Variants in SUGCT observed in about 807,000 individuals in gnomAD.
The protein encoded by SUGCT is succinyl-CoA:glutarate-CoA transferase.
SUGCT carries 41 observed loss-of-function variants against 55.0 expected under a neutral mutation model. The observed-to-expected ratio is 0.74, with a 90% CI of 0.58 to 0.97. SUGCT has a LOEUF of 0.97. SUGCT is among the 50% of genes least tolerant of loss of function. The pLI is 0.00. For synonymous variants in SUGCT, 187 were observed against 200.4 expected, an observed-to-expected ratio of 0.93 and a Z score of 0.56; for missense variants, 568 against 547.8, an observed-to-expected ratio of 1.04 and a Z score of -0.37.
the SUGCT span, among the ~76,000 whole-genome samples, chr7:40,895,781 C>T: frequency 6.6e-6 from 1 of 152,128 alleles, no homozygotes; most frequent in African/African-American, 2.4e-5. Context: ...AAACTGGAGG[C>T]ATCACACAAT....
chr7:40,147,300 C>G (rs1178336155), intron 1 of SUGCT, among the ~76,000 whole-genome samples: 1 of 152,080 alleles, frequency 6.6e-6, no homozygotes, highest in African/African-American at 2.4e-5. Flanking sequence ...GATTTCTTAC[C>G]TCTTTTTGAG....
chr7:40,333,240 CAG>C (rs1796426349), intron 9 of SUGCT, among the ~76,000 whole-genome samples: 1 of 151,910 alleles, frequency 6.6e-6, no homozygotes, highest in African/African-American at 2.4e-5. Context: ...ATGATGAAAA[CAG>C]ATTGAATATA....
At chr7:40,912,771 C>CAA in the SUGCT span, among the ~76,000 whole-genome samples, 3 of 111,840 alleles carry the variant, frequency 2.7e-5, no homozygotes, top group Non-Finnish European at 5.9e-5. Flanking sequence ...TAAACGTTTC[C>CAA]AAAAAAAAAA....
At position 40,830,155 on chromosome 7, in the gene SUGCT, A is replaced by G. The variant is rs6462989; in HGVS notation, c.1154-30161A>G. ...GCCACCACCCCAGGCCCAGAGCCTC[A>G]TCTCAGGTCTGCTCTGCTGACCACA... On this transcript the variant is annotated intron_variant, in intron 13 of 13. Coordinates refer to ENST00000335693, the MANE Select transcript of SUGCT (RefSeq NM_001193313.2). Among the ~76,000 whole-genome samples the G allele has an allele frequency of 1.7e-3, 261 of 151,966 alleles. 2 individuals are homozygous for G. The highest frequency in any genetic ancestry group is 6.1e-3 in the African/African-American group (254 of 41,444).
intron 13 of SUGCT, among the ~76,000 whole-genome samples, chr7:40,854,773 G>T (rs1328773776): frequency 6.6e-6 from 1 of 151,710 alleles, no homozygotes; most frequent in Non-Finnish European, 1.5e-5. Context: ...CCCATCTCTA[G>T]ATTTTTTTTT....
At chr7:40,309,042 C>A (rs960216040) in intron 8 of SUGCT, among the ~76,000 whole-genome samples, 8 of 152,172 alleles carry the variant, frequency 5.3e-5, no homozygotes, top group Non-Finnish European at 8.8e-5. Context: ...TTTTCACAGG[C>A]CTTCTCCAGG....
rs1796916101 is a variant in SUGCT at position 40,578,775 on chromosome 7, C to T, written c.1089+82389C>T. 4.6e-5 allele frequency among the ~76,000 whole-genome samples: 7 copies of T among 152,280 alleles called. No individual in the cohort carries two copies. In the South Asian group the frequency reaches 1.4e-3, roughly 32 times the overall value. The stretch of plus-strand genomic sequence containing the variant: ...AGCTCCAGTCATGCAATAAAAAAGA[C>T]CTATCATTCCTATCCATGCCATTTA... On this transcript the variant is annotated intron_variant, in intron 12 of 13. Transcript: ENST00000335693.
intron 12 of SUGCT, among the ~76,000 whole-genome samples, chr7:40,717,582 G>A (rs1052089453): frequency 1.3e-5 from 2 of 152,122 alleles, no homozygotes; most frequent in Non-Finnish European, 2.9e-5. Flanking sequence ...GATTCTCTGG[G>A]GACCCCTTTT....
chr7:40,377,234 C>CTTT (rs1268239706), intron 9 of SUGCT, among the ~76,000 whole-genome samples: 1 of 5,624 alleles, frequency 1.8e-4, no homozygotes. Context: ...TTCTTTCTTC[C>CTTT]CTTCCTTCCT....
chr7:40,316,839 G>C lies in SUGCT; in HGVS notation c.800G>C (p.Ser267Thr). The C allele has an allele frequency of 1.3e-6, 2 of 1,587,006 alleles. No individual in the cohort carries two copies. The highest frequency in any genetic ancestry group is 1.7e-6 in the Non-Finnish European group (2 of 1,164,606). Residue 267 changes from serine (S) to threonine (T), a missense_variant, in exon 9 of 14, where the codon AGT becomes ACT. Coordinates refer to ENST00000335693, the MANE Select transcript of SUGCT (RefSeq NM_001193313.2). Reference sequence around the variant, plus strand: ...AAACGTTGGGGTACAGCTCATGGCAGTATCGTTCCTTACCAGGTAAGACTA... The same window carrying C: ...AAACGTTGGGGTACAGCTCATGGCACTATCGTTCCTTACCAGGTAAGACTA... ...EAKRWGTAHG[S>T]IVPYQAFKTK...
intron 13 of SUGCT, among the ~76,000 whole-genome samples, chr7:40,785,631 C>T (rs1789972541): frequency 6.6e-6 from 1 of 152,056 alleles, no homozygotes; most frequent in African/African-American, 2.4e-5. Flanking sequence ...ATTTGCAGCA[C>T]ACGGTTCCAT....
At chr7:40,200,616 G>C (rs1786537403) in intron 6 of SUGCT, among the ~76,000 whole-genome samples, 1 of 152,078 alleles carries the variant, frequency 6.6e-6, no homozygotes, top group Non-Finnish European at 1.5e-5. Context: ...TAAAAACTGA[G>C]AGCAGTATGC....
chr7:40,242,066 A>G (rs901736768), intron 7 of SUGCT, among the ~76,000 whole-genome samples: 3 of 152,158 alleles, frequency 2.0e-5, no homozygotes, highest in Non-Finnish European at 4.4e-5. Flanking sequence ...GAGAGAATCT[A>G]TTTTGAATTC....
At chr7:40,866,979 C>T in the SUGCT span, among the ~76,000 whole-genome samples, 2 of 151,116 alleles carry the variant, frequency 1.3e-5, no homozygotes, top group Non-Finnish European at 2.9e-5. Context: ...TTTATTAGCT[C>T]GGCAAAAAAA....
At chr7:40,885,243 T>A in the SUGCT span, among the ~76,000 whole-genome samples, 2 of 152,128 alleles carry the variant, frequency 1.3e-5, no homozygotes, top group African/African-American at 4.8e-5. Context: ...TCAACGGTCC[T>A]CCAAGGGCAC....
intron 12 of SUGCT, chr7:40,539,397 G>A (rs1794551125): frequency 6.6e-6 from 1 of 152,166 alleles, no homozygotes. Flanking sequence ...ATAAAAAAAT[G>A]TATCTATGAA....
chr7:40,550,156 G>A (rs1795226523), intron 12 of SUGCT, among the ~76,000 whole-genome samples: 1 of 152,130 alleles, frequency 6.6e-6, no homozygotes, highest in African/African-American at 2.4e-5. Context: ...GTCATAAATT[G>A]TTATCTATGC....
intron 10 of SUGCT, among the ~76,000 whole-genome samples, chr7:40,450,580 G>T (rs1379734895): frequency 6.6e-6 from 1 of 151,892 alleles, no homozygotes; most frequent in Non-Finnish European, 1.5e-5. Flanking sequence ...TTCTCGACCA[G>T]CCTGAGCAAC....
the SUGCT span, among the ~76,000 whole-genome samples, chr7:41,022,684 T>G: frequency 6.6e-6 from 1 of 152,312 alleles, no homozygotes; most frequent in South Asian, 2.1e-4. Flanking sequence ...TATTTTGAAT[T>G]CTTTAAAATG....
Sources: allele counts gnomAD v4.1 joint callset (sites outside exome capture counted in the v4.1 genomes callset), GRCh38; gene constraint gnomAD v4.1.1; transcripts MANE v1.5; gene names NCBI Gene and HGNC (gene_info 2026-07-23, HGNC 2026-07-21).